The following TUB variants were observed in gnomAD, a reference collection of about 807,000 sequenced individuals.
TUB encodes tubby protein homolog.
In TUB, 33 loss-of-function variants were observed where a neutral mutation model predicts 59.7. That is an observed-to-expected ratio of 0.55 (90% confidence interval 0.42 to 0.74). TUB has a LOEUF of 0.74. Ranked by LOEUF, TUB falls within the 30% of genes least tolerant of loss-of-function variation. The pLI, the probability that TUB is intolerant of heterozygous loss-of-function variation, is 0.00. For synonymous variants in TUB, 293 were observed against 256.4 expected, an observed-to-expected ratio of 1.14 and a Z score of -1.36; for missense variants, 659 against 672.0, an observed-to-expected ratio of 0.98 and a Z score of 0.21.
At chr11:8,067,285 C>T (rs939772836) in intron 2 of TUB, 4 of 152,222 alleles carry the variant, frequency 2.6e-5, no homozygotes, top group Admixed American at 1.3e-4. Context: ...GGAGAGCACC[C>T]ACAGGGAGTC....
At chr11:8,019,345 T>A (rs924295147) in exon 1 of TUB, 181 of 1,276,664 alleles carry the variant, frequency 1.4e-4, no homozygotes, top group Admixed American at 4.5e-4. Flanking sequence ...TTACAGCCGC[T>A]GGAGCTATGA....
chr11:8,027,794 C>T (rs1164230713), intron 1 of TUB, among the ~76,000 whole-genome samples: 1 of 152,222 alleles, frequency 6.6e-6, no homozygotes, highest in East Asian at 1.9e-4. Context: ...GGATTACAGG[C>T]GTGAGCCACT....
intron 2 of TUB, among the ~76,000 whole-genome samples, chr11:8,041,857 T>C (rs144864915): frequency 1.8e-4 from 27 of 152,312 alleles, no homozygotes; most frequent in African/African-American, 6.5e-4. Context: ...CCTTCGTGAA[T>C]TGACATTGGT....
At chr11:8,100,476 T>G (rs1944227110) in intron 9 of TUB, 27 bp from the exon 10 acceptor site, 1 of 1,590,344 alleles carries the variant, frequency 6.3e-7, no homozygotes, top group South Asian at 1.1e-5. Context: ...ACGCCTCAGG[T>G]GGCCAGTGTT....
At chr11:8,034,082 C>T (rs1396823960), upstream of TUB, among the ~76,000 whole-genome samples, 1 of 152,222 alleles carries the variant, frequency 6.6e-6, no homozygotes, top group Non-Finnish European at 1.5e-5. Flanking sequence ...ACTGTGGCCT[C>T]ATCCCTCTCA....
In TUB at chr11:8,097,728, G is replaced by A. The variant is rs775002620; in HGVS notation, c.900G>A (p.Ala300=). ...CACTCCCCAAGGTGTTCCTCCTGGC[G>A]GGAAGGAAGAGAAAGAAGAGTAAAA... is the stretch of plus-strand genomic sequence containing the variant. ...REDGKKVFLL[A]GRKRKKSKTS... is the part of the protein sequence containing the mutation. Residue 300 remains alanine, a synonymous_variant, in exon 8 of 12, where the codon GCG becomes GCA. Transcript: ENST00000299506. 27 of 1,613,664 alleles carry A rather than the reference G, an allele frequency of 1.7e-5. No homozygotes were observed. Among genetic ancestry groups the A allele is most frequent in the South Asian group, 2.2e-5 (2 of 91,050 alleles).
chr11:8,020,115 A>T (rs780447456), intron 1 of TUB, among the ~76,000 whole-genome samples: 1 of 152,338 alleles, frequency 6.6e-6, no homozygotes, highest in East Asian at 1.9e-4. Flanking sequence ...TGCCTGTTCT[A>T]CCTTTTGTTG....
chr11:8,043,157 C>A (rs1324307486), intron 2 of TUB, among the ~76,000 whole-genome samples: 1 of 152,144 alleles, frequency 6.6e-6, no homozygotes, highest in African/African-American at 2.4e-5. Flanking sequence ...TATGGATATT[C>A]AGTTGTCCCA....
intron 2 of TUB, among the ~76,000 whole-genome samples, chr11:8,070,347 A>G (rs1441166183): frequency 6.6e-6 from 1 of 152,052 alleles, no homozygotes; most frequent in Non-Finnish European, 1.5e-5. Flanking sequence ...AATCAGTCTC[A>G]TTGGTATTAT....
chr11:8,022,849 C>T (rs957913822), intron 1 of TUB, among the ~76,000 whole-genome samples: 2 of 152,116 alleles, frequency 1.3e-5, no homozygotes, highest in South Asian at 2.1e-4. Flanking sequence ...CAGTGGAGAT[C>T]GTGCCACTGC....
Position 8,081,263 on chromosome 11 carries a change from C to T in TUB, c.-248C>T. Reference sequence around the variant, plus strand: ...GGGACGGTGCGGTCGGCCTCCCCGCCTCCACGCGCGCGCACGACCCGCGCA... The same window carrying T: ...GGGACGGTGCGGTCGGCCTCCCCGCTTCCACGCGCGCGCACGACCCGCGCA... On this transcript the variant is annotated 5_prime_UTR_variant, in exon 1 of 12. Coordinates refer to ENST00000299506, the MANE Select transcript of TUB (RefSeq NM_177972.3). The T allele has an allele frequency of 1.6e-6, 1 of 633,860 alleles. No individual in the cohort carries two copies. The highest frequency in any genetic ancestry group is 2.0e-6 in the Non-Finnish European group (1 of 508,830). 39.3% of individuals were successfully genotyped at this position (633,860 alleles called of 1,614,324 possible). A position where few individuals can be genotyped will look rare whatever the true frequency, so the allele number is the denominator to read the frequency against.
upstream of TUB, among the ~76,000 whole-genome samples, chr11:8,080,627 T>C (rs1432280921): frequency 6.6e-6 from 1 of 152,188 alleles, no homozygotes; most frequent in Non-Finnish European, 1.5e-5. Context: ...CTGTGGAGAT[T>C]ACATACTAGA....
At chr11:8,067,616 T>A (rs1943270909) in intron 2 of TUB, 1 of 152,232 alleles carries the variant, frequency 6.6e-6, no homozygotes, top group Non-Finnish European at 1.5e-5. Context: ...CCAGGCACTG[T>A]ACTAGGCACT....
chr11:8,093,772 G>A (rs56338634), intron 3 of TUB, among the ~76,000 whole-genome samples: 15,404 of 152,166 alleles, frequency 0.1, 804 homozygotes, highest in African/African-American at 0.12. Flanking sequence ...TTTTGAGTGC[G>A]CACTTTGTTG....
chr11:8,038,962 T>A, exon 1 of TUB: 1 of 1,614,022 alleles, frequency 6.2e-7, no homozygotes, highest in Non-Finnish European at 8.5e-7. Flanking sequence ...CCCTGGCCCA[T>A]GGGATCTCAG....
chr11:8,027,358 T>A (rs555801892), intron 1 of TUB, among the ~76,000 whole-genome samples: 1 of 152,246 alleles, frequency 6.6e-6, no homozygotes. Flanking sequence ...TATAACGAAA[T>A]CATACAGTAT....
chr11:8,026,927 A>T (rs1330266853), intron 1 of TUB, among the ~76,000 whole-genome samples: 1 of 152,246 alleles, frequency 6.6e-6, no homozygotes, highest in East Asian at 1.9e-4. Flanking sequence ...GAGGGGATAG[A>T]TCATCTTAAT....
chr11:8,098,611 T>C, intron 8 of TUB, 147 bp from the exon 9 acceptor site: 3 of 638,238 alleles, frequency 4.7e-6, no homozygotes, highest in Non-Finnish European at 8.5e-6. Flanking sequence ...TTCAAAGATG[T>C]GGATTCAGTG....
chr11:8,038,310 G>C (rs1942681110), upstream of TUB, among the ~76,000 whole-genome samples: 1 of 152,096 alleles, frequency 6.6e-6, no homozygotes. Flanking sequence ...TGAGTGGATG[G>C]GAACACCCAG....
Sources: allele counts gnomAD v4.1 joint callset (sites outside exome capture counted in the v4.1 genomes callset), GRCh38; gene constraint gnomAD v4.1.1; transcripts MANE v1.5; gene names NCBI Gene and HGNC (gene_info 2026-07-23, HGNC 2026-07-21).